Variants in SLC25A21 observed in about 807,000 individuals in gnomAD.
The protein encoded by SLC25A21 is mitochondrial 2-oxodicarboxylate carrier.
In SLC25A21, 47 loss-of-function variants were observed where a neutral mutation model predicts 43.8. The observed-to-expected ratio is 1.07, with a 90% CI of 0.85 to 1.37. The LOEUF (loss-of-function observed/expected upper bound fraction) is 1.37. SLC25A21 is among the 40% of genes most tolerant of loss of function. SLC25A21 has a pLI of 0.00. For missense variants in SLC25A21, 352 were observed against 350.2 expected (o/e 1.00, Z -0.04); for synonymous variants, 131 against 121.3 (o/e 1.08, Z -0.52).
intron 2 of SLC25A21, among the ~76,000 whole-genome samples, chr14:36,833,914 C>A (rs1889118891): frequency 6.6e-6 from 1 of 152,126 alleles, no homozygotes; most frequent in African/African-American, 2.4e-5. Flanking sequence ...TGTGCATGGG[C>A]TGGATTAAAA....
chr14:37,127,691 T>C (rs1027556033), intron 1 of SLC25A21, among the ~76,000 whole-genome samples: 1 of 152,176 alleles, frequency 6.6e-6, no homozygotes, highest in African/African-American at 2.4e-5. Flanking sequence ...ACCAGGTCTC[T>C]AACTGACTGC....
intron 3 of SLC25A21, among the ~76,000 whole-genome samples, chr14:36,803,534 C>T (rs758565981): frequency 6.6e-6 from 1 of 152,252 alleles, no homozygotes; most frequent in East Asian, 1.9e-4. Context: ...ATTTAAAAAA[C>T]TAATTCATTT....
At chr14:36,790,749 T>C (rs1045942636) in intron 3 of SLC25A21, among the ~76,000 whole-genome samples, 4 of 152,104 alleles carry the variant, frequency 2.6e-5, no homozygotes, top group African/African-American at 9.7e-5. Flanking sequence ...GCACACACAA[T>C]TGCACAGTGA....
intron 1 of SLC25A21, among the ~76,000 whole-genome samples, chr14:37,156,569 T>G (rs1963854264): frequency 6.6e-6 from 1 of 151,468 alleles, no homozygotes; most frequent in African/African-American, 2.4e-5. Flanking sequence ...AGACTAAAAG[T>G]AAAGGAAAAG....
intron 1 of SLC25A21, among the ~76,000 whole-genome samples, chr14:37,107,211 A>G (rs1962931489): frequency 6.6e-6 from 1 of 152,038 alleles, no homozygotes; most frequent in South Asian, 2.1e-4. Flanking sequence ...TGGGTGAAAT[A>G]CAGTCACCCA....
intron 3 of SLC25A21, among the ~76,000 whole-genome samples, chr14:36,790,719 T>A (rs1887455664): frequency 6.6e-6 from 1 of 152,142 alleles, no homozygotes; most frequent in South Asian, 2.1e-4. Context: ...GAAATCCTGT[T>A]TAAGATGAAA....
chr14:36,809,043 C>T (rs1476140525), intron 3 of SLC25A21: 1 of 152,106 alleles, frequency 6.6e-6, no homozygotes, highest in African/African-American at 2.4e-5. Flanking sequence ...TCATAAGATG[C>T]TCTGAGATAA....
At chr14:37,041,772 T>C (rs1168997511) in intron 1 of SLC25A21, among the ~76,000 whole-genome samples, 2 of 152,194 alleles carry the variant, frequency 1.3e-5, no homozygotes, top group Non-Finnish European at 2.9e-5. Flanking sequence ...GAACATGATG[T>C]AGAATTTAGC....
intron 1 of SLC25A21, among the ~76,000 whole-genome samples, chr14:37,119,407 G>T (rs1963164457): frequency 3.3e-5 from 5 of 151,998 alleles, no homozygotes; most frequent in Admixed American, 3.3e-4. Flanking sequence ...AAATTATCCA[G>T]GCGTGGTGGT....
At chr14:36,828,628 A>T (rs149370445) in intron 2 of SLC25A21, 26 of 152,332 alleles carry the variant, frequency 1.7e-4, no homozygotes, top group African/African-American at 5.8e-4. Flanking sequence ...TAAATTGCTG[A>T]AACTTAAGGA....
At chr14:36,841,262 C>A (rs1003772777) in intron 2 of SLC25A21, among the ~76,000 whole-genome samples, 2 of 152,182 alleles carry the variant, frequency 1.3e-5, no homozygotes, top group Non-Finnish European at 2.9e-5. Context: ...GAGCTAAACA[C>A]AAAAGTATAT....
At chr14:36,693,683 G>C (rs773639471) in intron 7 of SLC25A21, among the ~76,000 whole-genome samples, 4 of 151,804 alleles carry the variant, frequency 2.6e-5, no homozygotes, top group Non-Finnish European at 5.9e-5. Context: ...GCCCAGCCTG[G>C]AGTGCAGTGG....
At chr14:36,965,848 T>C (rs972048659) in intron 1 of SLC25A21, among the ~76,000 whole-genome samples, 4 of 152,170 alleles carry the variant, frequency 2.6e-5, no homozygotes, top group Non-Finnish European at 5.9e-5. Context: ...AGCTTCATGG[T>C]TAATTGTACA....
chr14:37,135,419 C>A (rs535335628), intron 1 of SLC25A21, among the ~76,000 whole-genome samples: 3 of 151,152 alleles, frequency 2.0e-5, no homozygotes, highest in Non-Finnish European at 4.4e-5. Flanking sequence ...TAATAAAAAA[C>A]GTTTTAATAG....
chr14:37,103,985 A>G (rs1962865225), intron 1 of SLC25A21, among the ~76,000 whole-genome samples: 1 of 152,188 alleles, frequency 6.6e-6, no homozygotes, highest in African/African-American at 2.4e-5. Flanking sequence ...AGAAAGAAGG[A>G]CCATTTCTGT....
At chr14:37,045,784 T>C (rs1961573740) in intron 1 of SLC25A21, among the ~76,000 whole-genome samples, 1 of 152,136 alleles carries the variant, frequency 6.6e-6, no homozygotes, top group African/African-American at 2.4e-5. Flanking sequence ...CACTCCAGGG[T>C]TTTGAAGTCA....
At chr14:36,780,949 GCTAT>G (rs532599789) in intron 3 of SLC25A21, among the ~76,000 whole-genome samples, 18 of 151,946 alleles carry the variant, frequency 1.2e-4, no homozygotes, top group African/African-American at 3.1e-4. Flanking sequence ...TTATTGTATT[GCTAT>G]CTATCTATGC....
chr14:37,039,482 C>T (rs1200843778), intron 1 of SLC25A21, among the ~76,000 whole-genome samples: 1 of 152,196 alleles, frequency 6.6e-6, no homozygotes, highest in East Asian at 1.9e-4. Flanking sequence ...AATTAATTTT[C>T]ATTTCCCTAA....
chr14:36,791,465 C>T (rs190271551), intron 3 of SLC25A21, among the ~76,000 whole-genome samples: 1 of 152,244 alleles, frequency 6.6e-6, no homozygotes, highest in East Asian at 1.9e-4. Context: ...AATTATAGTT[C>T]TTAGCCCCAC....
Sources: allele counts gnomAD v4.1 joint callset (sites outside exome capture counted in the v4.1 genomes callset), GRCh38; gene constraint gnomAD v4.1.1; transcripts MANE v1.5; gene names NCBI Gene and HGNC (gene_info 2026-07-23, HGNC 2026-07-21).